Variants in MEI1 observed in about 807,000 individuals in gnomAD.
MEI1 encodes meiosis inhibitor protein 1.
A neutral mutation model predicts 146.2 loss-of-function variants in MEI1; 103 were observed. The observed-to-expected ratio is 0.70, with a 90% confidence interval of 0.60 to 0.83. The LOEUF (loss-of-function observed/expected upper bound fraction) is 0.83. MEI1 is among the 40% of genes least tolerant of loss of function. MEI1 has a pLI of 0.00. For missense variants in MEI1, 1,529 were observed against 1,533.0 expected, an observed-to-expected ratio of 1.00 and a Z score of 0.04; for synonymous variants, 652 against 628.2, an observed-to-expected ratio of 1.04 and a Z score of -0.57.
At chr22:41,707,401 GATA>G (rs2069177211) in intron 3 of MEI1, among the ~76,000 whole-genome samples, 1 of 152,170 alleles carries the variant, frequency 6.6e-6, no homozygotes, top group African/African-American at 2.4e-5. Flanking sequence ...GCACTGACTA[GATA>G]ATACCGTTGT....
chr22:41,709,496 C>T, intron 3 of MEI1: 1 of 612,466 alleles, frequency 1.6e-6, no homozygotes, highest in South Asian at 1.4e-5. Flanking sequence ...ATGGTGGCAG[C>T]AGCGACGGCA....
At chr22:41,706,469 C>T (rs1040449721) in intron 3 of MEI1, among the ~76,000 whole-genome samples, 4 of 152,112 alleles carry the variant, frequency 2.6e-5, no homozygotes, top group African/African-American at 7.2e-5. Context: ...TTGATGAGTG[C>T]TGTTACAAAG....
Position 41,732,727 on chromosome 22 carries a change from A to C in MEI1, c.1331+124A>C, listed in dbSNP as rs897473234. 76 of 1,083,922 alleles carry C rather than the reference A, an allele frequency of 7.0e-5. No individual in the cohort carries two copies. In the African/African-American group the frequency reaches 9.9e-4, roughly 14 times the overall value. The allele number at this position is 1,083,922 out of a possible 1,614,324, so 67.1% of individuals were successfully genotyped here. A position where few individuals can be genotyped will look rare whatever the true frequency, so the allele number is the denominator to read the frequency against. ...TAATACCTAATATAGTTGGCCCTTC[A>C]TAATTGTGGATTCCACATCCATGGA... On this transcript the variant is annotated intron_variant, in intron 11 of 30. Coordinates refer to ENST00000401548, the MANE Select transcript of MEI1 (RefSeq NM_152513.4).
chr22:41,738,728 C>T (rs924326114), intron 11 of MEI1, among the ~76,000 whole-genome samples: 5 of 150,714 alleles, frequency 3.3e-5, no homozygotes, highest in Non-Finnish European at 7.4e-5. Context: ...GCCAAGATCA[C>T]GCCACTGCAC....
rs1327257005 is a variant in MEI1 at position 41,748,324 on chromosome 22, C to G, written c.1792+106C>G. 178 of 740,604 alleles carry G rather than the reference C, an allele frequency of 2.4e-4. 3 individuals are homozygous for G. In the South Asian group the frequency reaches 2.6e-3, roughly 11 times the overall value. 45.9% of individuals were successfully genotyped at this position (740,604 alleles called of 1,614,324 possible). ...AGTTGTGGGTGCACATTTACTAATT[C>G]ATTCAGAATCTGTATCTATTCTTTG... On this transcript the variant is annotated intron_variant, in intron 15 of 30. Transcript: ENST00000401548.
rs376848637 is a variant in MEI1 at position 41,776,167 on chromosome 22, G to A, written c.2610G>A (p.Leu870=). The change falls in exon 21 of 31, where the codon CTG becomes CTA. Residue 870 remains leucine (L), a synonymous_variant. Transcript: ENST00000401548. ...HKVLISLRTF[L]RRNEDIQVGG... ...TACTGATTAGCCTGAGGACCTTCCT[G>A]AGGAGGAATGAGGATATCCAAGTGG... is the stretch of plus-strand genomic sequence containing the variant. 1.2e-6 allele frequency: 2 copies of A among 1,613,848 alleles called. No homozygotes were observed. Among genetic ancestry groups the A allele is most frequent in the Non-Finnish European group, 1.7e-6 (2 of 1,179,890 alleles).
At chr22:41,729,567 C>G in intron 7 of MEI1, 98 bp from the exon 8 acceptor site, 1 of 738,410 alleles carries the variant, frequency 1.4e-6, no homozygotes, top group Non-Finnish European at 2.4e-6. Context: ...CAGGAAGGAT[C>G]GAAAATGAAT....
At chr22:41,705,368 C>T (rs1288169080) in intron 2 of MEI1, 136 bp from the exon 3 acceptor site, 16 of 745,320 alleles carry the variant, frequency 2.1e-5, no homozygotes, top group South Asian at 7.3e-5. Flanking sequence ...GAGAGGGTTT[C>T]GCCATATTGG....
rs573185972 is a variant in MEI1 at position 41,760,309 on chromosome 22, C to CA, written c.2120+1785dup. ...TGGGCGACAGAGAGAGACTCTGTCT[C>CA]AAAAAAAAATAAAAAAAAGAATAAA... On this transcript the variant is annotated intron_variant, in intron 18 of 30. Transcript: ENST00000401548. 9.7e-4 allele frequency among the ~76,000 whole-genome samples: 137 copies of CA among 141,408 alleles called. 1 individual carries two copies. The Middle Eastern group carries it at 0.014, about 14-fold the overall frequency. The allele number at this position is 141,408 out of a possible 152,430, so 92.8% of individuals were successfully genotyped here.
intron 20 of MEI1, among the ~76,000 whole-genome samples, chr22:41,771,548 G>A (rs540263650): frequency 6.6e-6 from 1 of 152,034 alleles, no homozygotes; most frequent in Non-Finnish European, 1.5e-5. Context: ...CAATTCTCCT[G>A]CCTCAGCCTC....
intron 13 of MEI1, 26 bp downstream of exon 13, chr22:41,745,090 T>C: frequency 6.8e-7 from 1 of 1,460,034 alleles, no homozygotes; most frequent in Admixed American, 2.4e-5. Context: ...AGGTATGAAG[T>C]AATAGCATGG....
intron 30 of MEI1, among the ~76,000 whole-genome samples, chr22:41,796,964 T>C (rs2076383205): frequency 6.6e-6 from 1 of 152,134 alleles, no homozygotes; most frequent in Admixed American, 6.5e-5. Flanking sequence ...ACAAAAAATT[T>C]TGTTTCATGA....
rs114621679 is a variant in MEI1, at chr22:41,746,713, G to A, written c.1680+687G>A. Among the ~76,000 whole-genome samples the A allele has an allele frequency of 1.5e-3, 225 of 152,192 alleles. 1 individual carries two copies. The highest frequency in any genetic ancestry group is 5.2e-3 in the African/African-American group (215 of 41,514). On this transcript the variant is annotated intron_variant, in intron 14 of 30. Coordinates refer to ENST00000401548, the MANE Select transcript of MEI1 (RefSeq NM_152513.4). ...AGCCTGTGAGGAGTCCCTGTTAGTC[G>A]GGAAAGGGCAACTCCTAACCATTTA...
intron 20 of MEI1, among the ~76,000 whole-genome samples, chr22:41,772,748 C>G (rs898139068): frequency 1.4e-4 from 22 of 152,164 alleles, no homozygotes; most frequent in Admixed American, 1.0e-3. Context: ...CTGAGGCTCT[C>G]TTTTTACTCA....
At chr22:41,723,873 G>C in intron 6 of MEI1, 70 bp from the exon 7 acceptor site, 1 of 1,514,786 alleles carries the variant, frequency 6.6e-7, no homozygotes, top group African/African-American at 1.4e-5. Context: ...GGATGTCTGA[G>C]GGGCTATCTT....
chr22:41,755,974 T>G (rs1190345721), intron 17 of MEI1, among the ~76,000 whole-genome samples: 1 of 152,114 alleles, frequency 6.6e-6, no homozygotes, highest in Non-Finnish European at 1.5e-5. Context: ...CACTCACTGC[T>G]GGAAGGATTA....
chr22:41,712,672 A>ATGTGTGTGTG (rs140926503), intron 3 of MEI1, among the ~76,000 whole-genome samples: 1,573 of 147,060 alleles, frequency 0.011, 27 homozygotes, highest in African/African-American at 0.034. Flanking sequence ...ATAGAAATAG[A>ATGTGTGTGTG]TGTGTGTGTG....
chr22:41,713,461 C>CAAAGCA (rs986974429), intron 3 of MEI1, among the ~76,000 whole-genome samples: 12 of 133,456 alleles, frequency 9.0e-5, no homozygotes, highest in South Asian at 4.9e-4. Flanking sequence ...TGTCTCTAAA[C>CAAAGCA]AAAGCAAAAG....
At chr22:41,740,039 G>T (rs1275633128) in intron 11 of MEI1, among the ~76,000 whole-genome samples, 7 of 151,472 alleles carry the variant, frequency 4.6e-5, no homozygotes, top group Admixed American at 6.6e-5. Flanking sequence ...TTGGTGGGGG[G>T]GGTGGAGTCT....
Sources: allele counts gnomAD v4.1 joint callset (sites outside exome capture counted in the v4.1 genomes callset), GRCh38; gene constraint gnomAD v4.1.1; transcripts MANE v1.5; gene names NCBI Gene and HGNC (gene_info 2026-07-23, HGNC 2026-07-21).